Variants in SOX5 observed in about 807,000 individuals in gnomAD.
SOX5 encodes SRY-box transcription factor 5, also known as transcription factor SOX-5.
A neutral mutation model predicts 92.0 loss-of-function variants in SOX5; 9 were observed. The observed-to-expected ratio is 0.10, with a 90% CI of 0.06 to 0.17. The LOEUF is 0.17. Among genes scored for constraint, SOX5 ranks in the 10% least tolerant of loss-of-function variants. The probability of loss-of-function intolerance (pLI) is 1.00; values close to 1 mark genes in which losing one functional copy is unlikely to be tolerated. For missense variants in SOX5, 642 were observed against 944.5 expected (o/e 0.68, Z 4.20); for synonymous variants, 344 against 336.3 (o/e 1.02, Z -0.25).
intron 11 of SOX5, among the ~76,000 whole-genome samples, chr12:23,550,144 G>C (rs1361388386): frequency 6.6e-6 from 1 of 151,950 alleles, no homozygotes; most frequent in Non-Finnish European, 1.5e-5. Context: ...AATAGCTAAA[G>C]AGATATGGAC....
chr12:24,013,434 A>T (rs1330819585), intron 4 of SOX5, among the ~76,000 whole-genome samples: 1 of 152,178 alleles, frequency 6.6e-6, no homozygotes, highest in Non-Finnish European at 1.5e-5. Flanking sequence ...AGACCATTTC[A>T]TTTGTTTATT....
chr12:24,357,886 G>A (rs186376534), intron 2 of SOX5, among the ~76,000 whole-genome samples: 1 of 150,556 alleles, frequency 6.6e-6, no homozygotes, highest in African/African-American at 2.4e-5. Flanking sequence ...TATTGAAATT[G>A]TATGCCTCAG....
At chr12:23,777,883 C>A (rs2095156686) in intron 3 of SOX5, among the ~76,000 whole-genome samples, 1 of 152,080 alleles carries the variant, frequency 6.6e-6, no homozygotes, top group African/African-American at 2.4e-5. Context: ...ATTGCTATTC[C>A]CTTAGTTGGT....
intron 1 of SOX5, among the ~76,000 whole-genome samples, chr12:24,428,692 T>C (rs1966998993): frequency 9.1e-6 from 1 of 109,774 alleles, no homozygotes; most frequent in South Asian, 3.1e-4. Flanking sequence ...TTGCTTGAGC[T>C]CCAGCCTGGG....
chr12:24,424,972 A>G (rs1966537248), intron 1 of SOX5, among the ~76,000 whole-genome samples: 1 of 152,170 alleles, frequency 6.6e-6, no homozygotes, highest in East Asian at 1.9e-4. Context: ...AATCAGTACG[A>G]TAAGTGGCTG....
At chr12:24,101,616 CTA>C (rs1946102680) in intron 4 of SOX5, among the ~76,000 whole-genome samples, 1 of 152,090 alleles carries the variant, frequency 6.6e-6, no homozygotes, top group Admixed American at 6.6e-5. Flanking sequence ...TGACTGGACA[CTA>C]TACATCAAAA....
intron 4 of SOX5, among the ~76,000 whole-genome samples, chr12:24,180,098 A>AATTATAGGG (rs1391520640): frequency 6.6e-6 from 1 of 151,944 alleles, no homozygotes; most frequent in African/African-American, 2.4e-5. Flanking sequence ...GAATTATAGG[A>AATTATAGGG]TTATAGGAAA....
At chr12:24,204,934 C>A (rs1957875847) in intron 4 of SOX5, among the ~76,000 whole-genome samples, 1 of 151,818 alleles carries the variant, frequency 6.6e-6, no homozygotes. Context: ...AAAAGGTTTA[C>A]ATAAATGTAA....
At chr12:24,135,382 T>C (rs957439277) in intron 4 of SOX5, among the ~76,000 whole-genome samples, 1 of 152,206 alleles carries the variant, frequency 6.6e-6, no homozygotes, top group African/African-American at 2.4e-5. Context: ...ATTCCATGTT[T>C]CCTTGGAATT....
chr12:24,414,811 C>T (rs935267217), intron 1 of SOX5, among the ~76,000 whole-genome samples: 1 of 152,172 alleles, frequency 6.6e-6, no homozygotes, highest in Non-Finnish European at 1.5e-5. Flanking sequence ...TTTGTATTGC[C>T]ATGTCCAATG....
intron 6 of SOX5, 58 bp from the exon 7 acceptor site, chr12:23,665,622 C>T: frequency 1.3e-6 from 2 of 1,533,136 alleles, no homozygotes; most frequent in South Asian, 1.3e-5. Flanking sequence ...CATGCTTCTT[C>T]CCACCCTCCT....
At chr12:23,821,894 T>C (rs145813491) in intron 3 of SOX5, among the ~76,000 whole-genome samples, 12,329 of 152,078 alleles carry the variant, frequency 0.081, 636 homozygotes, top group Admixed American at 0.11. Flanking sequence ...CTAGATTTTC[T>C]AGTTTATTTC....
At chr12:24,128,984 G>A (rs1490365606) in intron 4 of SOX5, among the ~76,000 whole-genome samples, 1 of 152,120 alleles carries the variant, frequency 6.6e-6, no homozygotes, top group African/African-American at 2.4e-5. Context: ...TTTGTGAATA[G>A]AAACACTGGG....
intron 4 of SOX5, among the ~76,000 whole-genome samples, chr12:23,990,307 A>T (rs1950449262): frequency 6.6e-6 from 1 of 152,150 alleles, no homozygotes; most frequent in African/African-American, 2.4e-5. Flanking sequence ...AAACCCTTCA[A>T]CAGCTTCCCA....
In SOX5 at chr12:23,665,549, G is replaced by A. The variant is rs765413261; in HGVS notation, c.826C>T (p.Pro276Ser). The A allele has an allele frequency of 4.3e-5, 70 of 1,612,690 alleles. No individual in the cohort carries two copies. Among genetic ancestry groups the A allele is most frequent in the Non-Finnish European group, 5.8e-5 (68 of 1,179,248 alleles). Residue 276 changes from proline to serine, a missense_variant, in exon 7 of 15, where the codon CCG becomes TCG. Transcript: ENST00000451604. ...GGGAATACGGGAATCATTAATGGCG[G>A]CAGCTGACCTTGAACCTGCTGAACG... ...QQQIQVQGQL[P>S]PLMIPVFPPD...
intron 1 of SOX5, among the ~76,000 whole-genome samples, chr12:24,396,332 T>C (rs1284974977): frequency 1.3e-5 from 2 of 152,146 alleles, no homozygotes; most frequent in Non-Finnish European, 1.5e-5. Context: ...TCCATGTAAA[T>C]AGTGTTTATG....
intron 4 of SOX5, among the ~76,000 whole-genome samples, chr12:23,989,183 G>T (rs186975305): frequency 1.0e-3 from 148 of 145,856 alleles, no homozygotes; most frequent in African/African-American, 3.5e-3. Context: ...ACACCAGTCT[G>T]GCAACATGGC....
intron 3 of SOX5, among the ~76,000 whole-genome samples, chr12:23,792,933 G>T (rs1439048259): frequency 6.6e-6 from 1 of 152,058 alleles, no homozygotes; most frequent in East Asian, 1.9e-4. Context: ...AGTCTTAAAG[G>T]TAAAACTGGC....
intron 2 of SOX5, among the ~76,000 whole-genome samples, chr12:23,887,802 T>G (rs1477583758): frequency 6.6e-6 from 1 of 152,156 alleles, no homozygotes; most frequent in Non-Finnish European, 1.5e-5. Context: ...TTTAACTTTC[T>G]TTTTTATTCT....
Sources: allele counts gnomAD v4.1 joint callset (sites outside exome capture counted in the v4.1 genomes callset), GRCh38; gene constraint gnomAD v4.1.1; transcripts MANE v1.5; gene names NCBI Gene and HGNC (gene_info 2026-07-23, HGNC 2026-07-21).